ZNF613: variants seen among roughly 807,000 people sequenced by gnomAD.
ZNF613 encodes zinc finger protein 613.
Under a neutral mutation model 14.3 loss-of-function variants are expected in ZNF613, and 8 were observed. The ratio of observed to expected loss-of-function variants is 0.56; its 90% CI spans 0.33 to 1.01. The LOEUF (loss-of-function observed/expected upper bound fraction) is 1.01, where lower values mean the gene tolerates loss of function less well. Among genes scored for constraint, ZNF613 ranks in the 50% least tolerant of loss-of-function variants. The pLI, the probability that ZNF613 is intolerant of heterozygous loss-of-function variation, is 0.03. For synonymous variants in ZNF613, 228 were observed against 254.5 expected (o/e 0.90, Z 0.99); for missense variants, 656 against 741.9 (o/e 0.88, Z 1.35).
chr19:51,929,829 G>A lies in ZNF613; in HGVS notation c.-261G>A, dbSNP rs1420242666. The A allele has an allele frequency of 7.9e-5, 12 of 152,122 alleles. No individual in the cohort carries two copies. Among genetic ancestry groups the A allele is most frequent in the Non-Finnish European group, 1.8e-4 (12 of 68,024 alleles). 9.4% of individuals were successfully genotyped at this position (152,122 alleles called of 1,614,324 possible). On this transcript the variant is annotated 5_prime_UTR_variant, in exon 2 of 6. Coordinates refer to ENST00000293471, the MANE Select transcript of ZNF613 (RefSeq NM_001031721.4). ...CCTAAAGTGCTGGGATTCCAGGTGTGAGCCACTTCACCCAGCCACATTTAT... is the reference window on the plus strand; with the variant it reads ...CCTAAAGTGCTGGGATTCCAGGTGTAAGCCACTTCACCCAGCCACATTTAT...
intron 3 of ZNF613, among the ~76,000 whole-genome samples, chr19:51,936,544 A>C (rs1276589224): frequency 6.6e-6 from 1 of 152,116 alleles, no homozygotes; most frequent in East Asian, 1.9e-4. Flanking sequence ...GCTGGAGTGC[A>C]GTGGTGCAAT....
chr19:51,931,104 T>C (rs962232661), intron 2 of ZNF613, among the ~76,000 whole-genome samples: 4 of 152,210 alleles, frequency 2.6e-5, no homozygotes, highest in Non-Finnish European at 5.9e-5. Context: ...TTTTAATAGC[T>C]AGATAGCTCC....
rs2085395556 is a variant in ZNF613, at chr19:51,945,677, T to C, written c.1794T>C (p.Ile598=). 6.2e-7 allele frequency: 1 copy of C among 1,614,034 alleles called. No individual in the cohort carries two copies. The highest frequency in any genetic ancestry group is 8.5e-7 in the Non-Finnish European group (1 of 1,180,020). The change falls in exon 6 of 6, where the codon ATT becomes ATC. Residue 598 remains isoleucine (I), a synonymous_variant. Coordinates refer to ENST00000293471, the MANE Select transcript of ZNF613 (RefSeq NM_001031721.4). ...TCCAAGCAGAGAGCAAAGTAGCCAT[T>C]GTGAGCCAGCCTGTTGCCAGAAGTT... The part of the protein sequence containing the change: ...SAFQAESKVA[I]VSQPVARSSV...
intron 3 of ZNF613, 140 bp from the exon 4 acceptor site, chr19:51,940,069 A>C (rs1307030421): frequency 1.6e-5 from 17 of 1,075,270 alleles, no homozygotes; most frequent in Non-Finnish European, 2.3e-5. Context: ...CCTCTATGAC[A>C]ATGTATTTTT....
Position 51,945,543 on chromosome 19 carries a change from CAT to C in ZNF613, c.1662_1663del (p.His554GlnfsTer7). 13 of 1,614,124 alleles carry C rather than the reference CAT, an allele frequency of 8.1e-6. No individual in the cohort carries two copies. Among genetic ancestry groups the C allele is most frequent in the Non-Finnish European group, 1.0e-5 (12 of 1,180,024 alleles). On this transcript the variant is annotated frameshift_variant, in exon 6 of 6. Transcript: ENST00000293471. LOFTEE classifies it low-confidence loss of function (END_TRUNC). ...ATTGGAAAATCCTTGCTCAGAGAGTCATAGCTTATCACATACACGTGATCTCA... is the reference window on the plus strand; with the variant it reads ...ATTGGAAAATCCTTGCTCAGAGAGTCAGCTTATCACATACACGTGATCTCA... ...VKLENPCSES[H>X]SLSHTRDLIQ...
chr19:51,944,846 T>C lies in ZNF613; in HGVS notation c.963T>C (p.Cys321=), dbSNP rs751318267. ...AGAAACCACATGGATGCAGCCTGTGTGGGAAGGCCTTCTCCAAAAGGTCCA... is the reference window on the plus strand; with the variant it reads ...AGAAACCACATGGATGCAGCCTGTGCGGGAAGGCCTTCTCCAAAAGGTCCA... ...TGEKPHGCSL[C]GKAFSKRSRL... The change falls in exon 6 of 6, where the codon TGT becomes TGC. Residue 321 remains cysteine, a synonymous_variant. Coordinates refer to ENST00000293471, the MANE Select transcript of ZNF613 (RefSeq NM_001031721.4). The C allele has an allele frequency of 6.2e-7, 1 of 1,613,544 alleles. No individual in the cohort carries two copies. Among genetic ancestry groups the C allele is most frequent in the Non-Finnish European group, 8.5e-7 (1 of 1,179,962 alleles).
chr19:51,937,276 A>G (rs1368288312), intron 3 of ZNF613, among the ~76,000 whole-genome samples: 1 of 152,198 alleles, frequency 6.6e-6, no homozygotes, highest in Non-Finnish European at 1.5e-5. Flanking sequence ...GGGACCTCAC[A>G]CTTGTGACTG....
In ZNF613 at chr19:51,945,380, C is replaced by A. The variant is rs370685351; in HGVS notation, c.1497C>A (p.Leu499=). The change falls in exon 6 of 6, where the codon CTC becomes CTA. Residue 499 remains leucine (L), a synonymous_variant. Transcript: ENST00000293471. The part of the protein sequence containing the change: ...CGKAFRDKSC[L]NRHRRTHTGE... ...AAGCTTTCAGAGATAAATCATGTCTCAACAGACATCGGAGAACTCATACAG... is the reference window on the plus strand; with the variant it reads ...AAGCTTTCAGAGATAAATCATGTCTAAACAGACATCGGAGAACTCATACAG... 9 of 1,613,562 alleles carry A rather than the reference C, an allele frequency of 5.6e-6. No homozygotes were observed. The African/African-American group carries it at 1.1e-4, about 19-fold the overall frequency.
At position 51,940,612 on chromosome 19, in the gene ZNF613, A is replaced by G. The variant is rs1212117415; in HGVS notation, c.143-5A>G. The G allele has an allele frequency of 6.2e-7, 1 of 1,610,520 alleles. No homozygotes were observed. The highest frequency in any genetic ancestry group is 1.3e-5 in the African/African-American group (1 of 74,808). On this transcript the variant is annotated splice_polypyrimidine_tract_variant and splice_region_variant and intron_variant, in intron 4 of 5. Coordinates refer to ENST00000293471, the MANE Select transcript of ZNF613 (RefSeq NM_001031721.4). ...CCTAAGTTGTGTATCATTTCCTATG[A>G]ACAGGGTATCAAGCCAGCAAACCAG...
At chr19:51,937,737 T>C (rs2085315842) in intron 3 of ZNF613, among the ~76,000 whole-genome samples, 2 of 147,814 alleles carry the variant, frequency 1.4e-5, no homozygotes, top group South Asian at 2.2e-4. Flanking sequence ...TTTTTTTTTT[T>C]TTTTTTTTTT....
intron 5 of ZNF613, among the ~76,000 whole-genome samples, chr19:51,941,394 A>G (rs1425604560): frequency 6.6e-6 from 1 of 152,110 alleles, no homozygotes; most frequent in African/African-American, 2.4e-5. Flanking sequence ...CTGTCTCCAA[A>G]GAGTGGTCTT....
rs559800623 is a variant in ZNF613, at chr19:51,945,773, C to T, written c.*36C>T. The stretch of plus-strand genomic sequence containing the variant: ...AATGCAGTGAATGTGGTAGTGCTTT[C>T]AGTGATCAATTACATCATATGTCAC... On this transcript the variant is annotated 3_prime_UTR_variant, in exon 6 of 6. Coordinates refer to ENST00000293471, the MANE Select transcript of ZNF613 (RefSeq NM_001031721.4). 2.5e-6 allele frequency: 4 copies of T among 1,607,818 alleles called. No individual in the cohort carries two copies.
intron 2 of ZNF613, among the ~76,000 whole-genome samples, chr19:51,935,212 G>A (rs1211942563): frequency 1.3e-5 from 2 of 152,202 alleles, no homozygotes; most frequent in Non-Finnish European, 2.9e-5. Flanking sequence ...TTCAGGCCAA[G>A]GGTGTAGCGT....
At position 51,944,662 on chromosome 19, in the gene ZNF613, A is replaced by G. The variant is rs759924343; in HGVS notation, c.779A>G (p.Tyr260Cys). The G allele has an allele frequency of 3.0e-5, 48 of 1,614,078 alleles. 1 individual carries two copies. Among genetic ancestry groups the G allele is most frequent in the Non-Finnish European group, 3.1e-5 (36 of 1,180,044 alleles). The part of the protein sequence containing the change: ...HQRNHTGEKP[Y>C]ECTECDKAFR... ...AGAAACCACACAGGAGAGAAACCCTATGAATGCACTGAATGTGACAAAGCA... is the reference window on the plus strand; with the variant it reads ...AGAAACCACACAGGAGAGAAACCCTGTGAATGCACTGAATGTGACAAAGCA... The change falls in exon 6 of 6, where the codon TAT becomes TGT. Residue 260 changes from tyrosine to cysteine, a missense_variant. By Grantham distance (194) the Tyr-to-Cys change is radical. Coordinates refer to ENST00000293471, the MANE Select transcript of ZNF613 (RefSeq NM_001031721.4).
chr19:51,927,878 C>G (rs147434137), intron 1 of ZNF613: 1 of 152,180 alleles, frequency 6.6e-6, no homozygotes, highest in Non-Finnish European at 1.5e-5. Context: ...GAGACAGGGT[C>G]TCGCTCTGTC....
At chr19:51,936,914 CAG>C (rs2085309456) in intron 3 of ZNF613, among the ~76,000 whole-genome samples, 1 of 152,116 alleles carries the variant, frequency 6.6e-6, no homozygotes, top group Non-Finnish European at 1.5e-5. Context: ...CTCCAGGGAG[CAG>C]AGAGAGGCTG....
intron 4 of ZNF613, 34 bp downstream of exon 4, chr19:51,940,369 A>G: frequency 6.2e-7 from 1 of 1,612,846 alleles, no homozygotes; most frequent in Non-Finnish European, 8.5e-7. Context: ...CTCAGAGAGT[A>G]CCCAGTCAAA....
At chr19:51,939,409 A>G (rs1053236176) in intron 3 of ZNF613, among the ~76,000 whole-genome samples, 10 of 152,010 alleles carry the variant, frequency 6.6e-5, no homozygotes, top group African/African-American at 2.4e-4. Flanking sequence ...GCTCACTGCA[A>G]CCTTTGCCTC....
In ZNF613 at chr19:51,945,697, G is replaced by A. The variant is rs2085395864; in HGVS notation, c.1814G>A (p.Arg605Lys). Residue 605 changes from arginine (R) to lysine (K), a missense_variant, in exon 6 of 6, where the codon AGA (arginine) becomes AAA (lysine). By Grantham distance (26) the Arg-to-Lys change is conservative. Coordinates refer to ENST00000293471, the MANE Select transcript of ZNF613 (RefSeq NM_001031721.4). The stretch of plus-strand genomic sequence containing the variant: ...GCCATTGTGAGCCAGCCTGTTGCCA[G>A]AAGTTCAGTCTCAGCAGATAGTAGA... ...KVAIVSQPVA[R>K]SSVSADSRIC... The A allele has an allele frequency of 1.2e-6, 2 of 1,614,064 alleles. No individual in the cohort carries two copies. Among genetic ancestry groups the A allele is most frequent in the South Asian group, 2.2e-5 (2 of 91,090 alleles).
Sources: gnomAD v4.1 joint callset for allele counts (sites outside exome capture counted in the v4.1 genomes callset) on GRCh38, gnomAD v4.1.1 for gene constraint, MANE v1.5 for transcripts, NCBI Gene and HGNC (gene_info 2026-07-23, HGNC 2026-07-21) for gene names.